Variants in MARCHF1 observed in about 807,000 individuals in gnomAD.
MARCHF1 encodes membrane associated ring-CH-type finger 1.
In MARCHF1, 40 loss-of-function variants were observed where a neutral mutation model predicts 54.2. That is an observed-to-expected ratio of 0.74 (90% confidence interval 0.57 to 0.96). The LOEUF is 0.96. Among genes scored for constraint, MARCHF1 ranks in the 40% least tolerant of loss-of-function variants. The pLI is 0.00. For missense variants in MARCHF1, 586 were observed against 656.5 expected, an observed-to-expected ratio of 0.89 and a Z score of 1.17; for synonymous variants, 236 against 236.3, an observed-to-expected ratio of 1.00 and a Z score of 0.01.
At chr4:163,648,219 G>A (rs1742830258) in intron 5 of MARCHF1, among the ~76,000 whole-genome samples, 1 of 151,728 alleles carries the variant, frequency 6.6e-6, no homozygotes, top group Admixed American at 6.6e-5. Context: ...ATGTTTCCAG[G>A]CTAACTGTAA....
At chr4:163,808,973 G>A (rs1376253688) in intron 4 of MARCHF1, among the ~76,000 whole-genome samples, 1 of 152,062 alleles carries the variant, frequency 6.6e-6, no homozygotes, top group South Asian at 2.1e-4. Flanking sequence ...ACAGAGTTGG[G>A]GTTTCAAACG....
chr4:163,882,144 G>T (rs1476342445), intron 3 of MARCHF1, among the ~76,000 whole-genome samples: 1 of 152,094 alleles, frequency 6.6e-6, no homozygotes, highest in Non-Finnish European at 1.5e-5. Flanking sequence ...AGAGATTAAT[G>T]GAAATTTTTG....
intron 2 of MARCHF1, among the ~76,000 whole-genome samples, chr4:164,001,172 A>T (rs1198923144): frequency 6.6e-6 from 1 of 151,810 alleles, no homozygotes; most frequent in Non-Finnish European, 1.5e-5. Context: ...CTTTAAATTA[A>T]TTCGAAAACC....
chr4:163,786,329 G>A (rs2110922570), intron 4 of MARCHF1, among the ~76,000 whole-genome samples: 1 of 151,960 alleles, frequency 6.6e-6, no homozygotes, highest in South Asian at 2.1e-4. Context: ...AATTGGATTT[G>A]GCATCAATCG....
intron 1 of MARCHF1, among the ~76,000 whole-genome samples, chr4:164,156,934 G>A (rs1730094136): frequency 6.6e-6 from 1 of 152,072 alleles, no homozygotes; most frequent in Non-Finnish European, 1.5e-5. Context: ...TGAAATAATT[G>A]AGATTTGTTC....
chr4:163,867,238 T>C (rs561289587), intron 3 of MARCHF1, among the ~76,000 whole-genome samples: 1 of 152,080 alleles, frequency 6.6e-6, no homozygotes, highest in African/African-American at 2.4e-5. Context: ...AAAATCCCTC[T>C]CTTCCTTCTT....
intron 1 of MARCHF1, among the ~76,000 whole-genome samples, chr4:164,270,446 C>T (rs553476033): frequency 6.6e-6 from 1 of 152,252 alleles, no homozygotes; most frequent in East Asian, 1.9e-4. Context: ...TCGTCTGTCT[C>T]CAAATACTGG....
At chr4:163,877,303 T>C (rs1750310191) in intron 3 of MARCHF1, among the ~76,000 whole-genome samples, 1 of 152,176 alleles carries the variant, frequency 6.6e-6, no homozygotes, top group Non-Finnish European at 1.5e-5. Context: ...TTTTTCTTTG[T>C]ACATGTCCAG....
At chr4:164,085,090 T>C (rs1755168766) in intron 2 of MARCHF1, among the ~76,000 whole-genome samples, 1 of 151,782 alleles carries the variant, frequency 6.6e-6, no homozygotes, top group Non-Finnish European at 1.5e-5. Context: ...ACTTCCTCTT[T>C]TAGTATATTT....
chr4:163,620,651 G>GCACACA (rs147923508), intron 5 of MARCHF1, among the ~76,000 whole-genome samples: 13 of 88,402 alleles, frequency 1.5e-4, no homozygotes, highest in Admixed American at 4.3e-4. Flanking sequence ...AGAGAGACAC[G>GCACACA]CACACACACA....
intron 4 of MARCHF1, among the ~76,000 whole-genome samples, chr4:163,733,212 T>C (rs1208143674): frequency 4.9e-4 from 14 of 28,660 alleles, no homozygotes; most frequent in African/African-American, 6.4e-4. Context: ...TATATATATA[T>C]ATATATATAC....
chr4:164,283,897 A>G (rs1734083679), intron 1 of MARCHF1, among the ~76,000 whole-genome samples: 1 of 151,016 alleles, frequency 6.6e-6, no homozygotes, highest in Non-Finnish European at 1.5e-5. Flanking sequence ...ATTTATCCAC[A>G]TGAGGTTATT....
intron 1 of MARCHF1, among the ~76,000 whole-genome samples, chr4:164,338,511 T>C (rs933706054): frequency 6.6e-6 from 1 of 152,108 alleles, no homozygotes; most frequent in Non-Finnish European, 1.5e-5. Context: ...GAAACAACTA[T>C]ATGTTGCCTA....
chr4:163,635,660 G>C (rs993166991), intron 5 of MARCHF1, among the ~76,000 whole-genome samples: 1 of 150,438 alleles, frequency 6.6e-6, no homozygotes, highest in Non-Finnish European at 1.5e-5. Context: ...AATTCTACCA[G>C]AGGTACAAGG....
At chr4:163,625,812 A>G (rs1292261145) in intron 5 of MARCHF1, among the ~76,000 whole-genome samples, 1 of 152,236 alleles carries the variant, frequency 6.6e-6, no homozygotes, top group African/African-American at 2.4e-5. Flanking sequence ...TGTGGAGAAG[A>G]GTATGTCCTT....
At chr4:163,901,883 C>T (rs1466197516) in intron 3 of MARCHF1, among the ~76,000 whole-genome samples, 1 of 152,152 alleles carries the variant, frequency 6.6e-6, no homozygotes, top group Non-Finnish European at 1.5e-5. Context: ...CTTTGTCTTC[C>T]TGTCTAAAAG....
At chr4:164,136,427 G>A (rs1394948467) in intron 1 of MARCHF1, among the ~76,000 whole-genome samples, 1 of 152,020 alleles carries the variant, frequency 6.6e-6, no homozygotes, top group Admixed American at 6.5e-5. Context: ...AGTTAGAGGA[G>A]AGTGAGTGAG....
intron 1 of MARCHF1, among the ~76,000 whole-genome samples, chr4:164,194,501 T>C (rs1731200862): frequency 1.3e-5 from 2 of 152,234 alleles, no homozygotes; most frequent in Non-Finnish European, 2.9e-5. Flanking sequence ...CAAAAACCTA[T>C]TTTCATTTTA....
chr4:163,873,071 A>AC (rs1750211267), intron 3 of MARCHF1, among the ~76,000 whole-genome samples: 8 of 143,174 alleles, frequency 5.6e-5, no homozygotes, highest in Non-Finnish European at 1.1e-4. Flanking sequence ...ACAAACAAAA[A>AC]AAAACAAACA....
Sources: allele counts gnomAD v4.1 joint callset (sites outside exome capture counted in the v4.1 genomes callset), GRCh38; gene constraint gnomAD v4.1.1; transcripts MANE v1.5; gene names NCBI Gene and HGNC (gene_info 2026-07-23, HGNC 2026-07-21).